The following ECE2 variants were observed in gnomAD, a reference collection of about 807,000 sequenced individuals.
ECE2 encodes the protein endothelin converting enzyme 2, also known as endothelin-converting enzyme 2.
ECE2 carries 81 observed loss-of-function variants against 100.6 expected under a neutral mutation model. The observed-to-expected ratio is 0.81, with a 90% CI of 0.67 to 0.97. The LOEUF is 0.97. Ranked by LOEUF, ECE2 falls within the 50% of genes least tolerant of loss-of-function variation. ECE2 has a pLI of 0.00. For missense variants in ECE2, 911 were observed against 988.1 expected, an observed-to-expected ratio of 0.92 and a Z score of 1.05; for synonymous variants, 391 against 391.5, an observed-to-expected ratio of 1.00 and a Z score of 0.02.
rs760997766 is a variant in ECE2 at position 184,291,121 on chromosome 3, G to C, written c.1916G>C (p.Cys639Ser). 5 of 1,611,862 alleles carry C rather than the reference G, an allele frequency of 3.1e-6. No individual in the cohort carries two copies. The highest frequency in any genetic ancestry group is 4.2e-6 in the Non-Finnish European group (5 of 1,178,776). ...GCAGCCTTCCGGAACCACACGGCCT[G>C]CATGGAGGAACAGTACAATCAATAC... is the stretch of plus-strand genomic sequence containing the variant. Reference protein sequence around the residue: ...SLAAFRNHTACMEEQYNQYQV... With the variant: ...SLAAFRNHTASMEEQYNQYQV... Residue 639 changes from cysteine to serine, a missense_variant, in exon 17 of 19, where the codon TGC becomes TCC. Coordinates refer to ENST00000404464, the MANE Select transcript of ECE2 (RefSeq NM_001100121.2). This position sits in a 1 kb window ranked among gnomAD's most constrained non-coding sequence, Gnocchi z 4.1.
At chr3:184,282,314 GA>G in intron 7 of ECE2, among the ~76,000 whole-genome samples, 1 of 152,338 alleles carries the variant, frequency 6.6e-6, no homozygotes, top group Middle Eastern at 3.4e-3. Flanking sequence ...TGAGAGACAG[GA>G]GGAATTTGAA....
At position 184,278,523 on chromosome 3, in the gene ECE2, G is replaced by A. The variant is rs781411872; in HGVS notation, c.782G>A (p.Arg261Gln). The A allele has an allele frequency of 2.1e-5, 34 of 1,613,858 alleles. No homozygotes were observed. Among genetic ancestry groups the A allele is most frequent in the South Asian group, 5.5e-5 (5 of 91,082 alleles). ...VDQSGLFLPS[R>Q]DYYLNRTANE... ...CAGTCTGGGCTCTTTCTGCCCTCTCGGGATTACTACTTAAACAGAACTGCC... is the reference window on the plus strand; with the variant it reads ...CAGTCTGGGCTCTTTCTGCCCTCTCAGGATTACTACTTAAACAGAACTGCC... Residue 261 changes from arginine to glutamine, a missense_variant, in exon 7 of 19, where the codon CGG becomes CAG. Arg to Gln is a conservative substitution (Grantham distance 43, BLOSUM62 1). Transcript: ENST00000404464.
In ECE2 at chr3:184,289,213, T is replaced by C. The variant is rs1721195982; in HGVS notation, c.1375-224T>C. Among the ~76,000 whole-genome samples, 1 of 152,110 alleles carries C rather than the reference T, an allele frequency of 6.6e-6. No homozygotes were observed. Among genetic ancestry groups the C allele is most frequent in the Non-Finnish European group, 1.5e-5 (1 of 68,022 alleles). ...TTATAATATAATTTGATGAACTTAT[T>C]GTCAATTAAAATGTGTACTTAATTA... On this transcript the variant is annotated intron_variant, in intron 11 of 18. Transcript: ENST00000404464. This position sits in a 1 kb window ranked among gnomAD's most constrained non-coding sequence, Gnocchi z 4.1.
rs763318100 is a variant in ECE2, at chr3:184,289,726, C to A, written c.1551+8C>A. 67 of 1,607,796 alleles carry A rather than the reference C, an allele frequency of 4.2e-5. No homozygotes were observed. The highest frequency in any genetic ancestry group is 5.5e-5 in the Non-Finnish European group (65 of 1,176,938). On this transcript the variant is annotated splice_region_variant and intron_variant, in intron 13 of 18. Coordinates refer to ENST00000404464, the MANE Select transcript of ECE2 (RefSeq NM_001100121.2). The surrounding 1 kb of genome is among the most constrained non-coding windows in gnomAD (Gnocchi z 4.1). ...GATGATGTTTATGACGGGGTGAGTA[C>A]CTACGCTCATCAGTACTGAACTTCA...
rs181289743 is a variant in ECE2, at chr3:184,283,327, G to A, written c.817-458G>A. Among the ~76,000 whole-genome samples, 33 of 152,006 alleles carry A rather than the reference G, an allele frequency of 2.2e-4. No individual in the cohort carries two copies. In the East Asian group the frequency reaches 3.9e-3, roughly 18 times the overall value. On this transcript the variant is annotated intron_variant, in intron 7 of 18. Transcript: ENST00000404464. ...TGTAATCCCAGCACTTTGAGAGGCC[G>A]AGGCGGGCAGATCACCTGAGGTCAG...
At position 184,283,750 on chromosome 3, in the gene ECE2, T is replaced by C. The variant is rs754203851; in HGVS notation, c.817-35T>C. On this transcript the variant is annotated intron_variant, in intron 7 of 18. Coordinates refer to ENST00000404464, the MANE Select transcript of ECE2 (RefSeq NM_001100121.2). ...AGATCTCAGCCTTGGGCAGGACTTG[T>C]TGCTGGGCTCTGAGGATCACCCGGG... 6.2e-6 allele frequency: 10 copies of C among 1,605,550 alleles called. No homozygotes were observed. In the East Asian group the frequency reaches 9.0e-5, roughly 14 times the overall value.
intron 7 of ECE2, among the ~76,000 whole-genome samples, chr3:184,282,181 G>A (rs1720840238): frequency 6.6e-6 from 1 of 152,192 alleles, no homozygotes; most frequent in South Asian, 2.1e-4. Context: ...AGGTGAGGAG[G>A]TAGGGAGAGA....
In ECE2 at chr3:184,287,931, G is replaced by A. The variant is rs35875049; in HGVS notation, c.1358G>A (p.Arg453Gln). The change falls in exon 11 of 19, where the codon CGG (arginine) becomes CAG (glutamine). Residue 453 changes from arginine (R) to glutamine (Q), a missense_variant. By Grantham distance (43) the Arg-to-Gln change is conservative (BLOSUM62 1). Coordinates refer to ENST00000404464, the MANE Select transcript of ECE2 (RefSeq NM_001100121.2). ...GSLFVKATFD[R>Q]QSKEIAEGMI... Reference sequence around the variant, plus strand: ...CTCTTCGTGAAGGCCACGTTTGACCGGCAAAGCAAAGAAATTGTGAGTCTA... The same window carrying A: ...CTCTTCGTGAAGGCCACGTTTGACCAGCAAAGCAAAGAAATTGTGAGTCTA... 5.5e-3 allele frequency: 8,899 copies of A among 1,613,964 alleles called. 397 individuals are homozygous for A. The African/African-American group carries it at 0.1, about 19-fold the overall frequency.
chr3:184,282,021 C>T (rs1720833120), intron 7 of ECE2, among the ~76,000 whole-genome samples: 2 of 152,208 alleles, frequency 1.3e-5, no homozygotes, highest in Non-Finnish European at 2.9e-5. Context: ...ATCGCTTGAA[C>T]CCGGGAGGCG....
intron 9 of ECE2, among the ~76,000 whole-genome samples, 173 bp downstream of exon 9, chr3:184,285,278 C>A (rs1224100035): frequency 6.6e-6 from 1 of 152,140 alleles, no homozygotes; most frequent in Non-Finnish European, 1.5e-5. Flanking sequence ...AGGGTGCTCC[C>A]TGTGATCTCT....
In ECE2 at chr3:184,292,157, C is replaced by A. The variant is rs751902275; in HGVS notation, c.2217C>A (p.Ser739=). The A allele has an allele frequency of 7.4e-6, 12 of 1,614,144 alleles. No homozygotes were observed. Among genetic ancestry groups the A allele is most frequent in the Middle Eastern group, 1.6e-4 (1 of 6,062 alleles). ...PARFRVLGTL[S]NSRDFLRHFG... ...GCTTCCGCGTGCTGGGCACTCTCTC[C>A]AACTCCCGTGACTTCCTGCGGCACT... The change falls in exon 19 of 19, where the codon TCC becomes TCA. Residue 739 remains serine, a synonymous_variant. Coordinates refer to ENST00000404464, the MANE Select transcript of ECE2 (RefSeq NM_001100121.2).
chr3:184,292,142 G>C lies in ECE2; in HGVS notation c.2202G>C (p.Val734=). Residue 734 remains valine (V), a synonymous_variant, in exon 19 of 19, where the codon GTG becomes GTC. Transcript: ENST00000404464. ...CCCACAGCCCTGCCCGCTTCCGCGTGCTGGGCACTCTCTCCAACTCCCGTG... is the reference window on the plus strand; with the variant it reads ...CCCACAGCCCTGCCCGCTTCCGCGTCCTGGGCACTCTCTCCAACTCCCGTG... The part of the protein sequence containing the change: ...TDPHSPARFR[V]LGTLSNSRDF... The C allele has an allele frequency of 6.2e-7, 1 of 1,614,082 alleles. No individual in the cohort carries two copies. The highest frequency in any genetic ancestry group is 1.1e-5 in the South Asian group (1 of 91,080).
chr3:184,284,931 G>A (rs1720967728), intron 8 of ECE2, 32 bp from the exon 9 acceptor site: 6 of 1,605,926 alleles, frequency 3.7e-6, no homozygotes, highest in Non-Finnish European at 5.1e-6. Context: ...AAGCGAGTCG[G>A]GCAGGCAAGG....
At position 184,289,449 on chromosome 3, in the gene ECE2, A is replaced by G. The variant is rs996098489; in HGVS notation, c.1387A>G (p.Ile463Val). 3.1e-6 allele frequency: 5 copies of G among 1,607,438 alleles called. No individual in the cohort carries two copies. Among genetic ancestry groups the G allele is most frequent in the Non-Finnish European group, 4.2e-6 (5 of 1,177,278 alleles). Residue 463 changes from isoleucine (I) to valine (V), a missense_variant, in exon 12 of 19, where the codon ATC (isoleucine) becomes GTC (valine). Ile to Val is a conservative substitution (Grantham distance 29). Coordinates refer to ENST00000404464, the MANE Select transcript of ECE2 (RefSeq NM_001100121.2). The surrounding 1 kb of genome is among the most constrained non-coding windows in gnomAD (Gnocchi z 4.1). ...TCCTCCCTCCCAGGCAGAGGGGATGATCAGCGAAATCCGGACCGCATTTGA... is the reference window on the plus strand; with the variant it reads ...TCCTCCCTCCCAGGCAGAGGGGATGGTCAGCGAAATCCGGACCGCATTTGA... ...RQSKEIAEGMISEIRTAFEEA... is the reference protein window; with the variant it reads ...RQSKEIAEGMVSEIRTAFEEA...
intron 10 of ECE2, among the ~76,000 whole-genome samples, chr3:184,286,665 G>A (rs771384023): frequency 1.1e-4 from 16 of 152,026 alleles, no homozygotes; most frequent in African/African-American, 2.4e-4. Context: ...TTAGCTGGGC[G>A]TGGTGGCAAG....
rs1300067541 is a variant in ECE2, at chr3:184,292,655, AG to A, written c.*421del. 5.1e-6 allele frequency: 1 copy of A among 196,720 alleles called. No homozygotes were observed. Among genetic ancestry groups the A allele is most frequent in the Non-Finnish European group, 1.1e-5 (1 of 94,546 alleles). The allele number at this position is 196,720 out of a possible 1,614,324, so 12.2% of individuals were successfully genotyped here. On this transcript the variant is annotated 3_prime_UTR_variant, in exon 19 of 19. Coordinates refer to ENST00000404464, the MANE Select transcript of ECE2 (RefSeq NM_001100121.2). ...CCCCAGGCTCACTCAGTGCGCACTTAGGGGTGGACTCAGCTCTGTCTGGCTC... is the reference window on the plus strand; with the variant it reads ...CCCCAGGCTCACTCAGTGCGCACTTAGGGTGGACTCAGCTCTGTCTGGCTC...
intron 7 of ECE2, among the ~76,000 whole-genome samples, chr3:184,280,085 A>G (rs931993723): frequency 2.6e-5 from 4 of 152,156 alleles, no homozygotes; most frequent in Non-Finnish European, 5.9e-5. Context: ...AGAGGAGGGA[A>G]AAGGTGAAGA....
At chr3:184,285,623 G>T in intron 10 of ECE2, 31 bp downstream of exon 10, 1 of 1,497,492 alleles carries the variant, frequency 6.7e-7, no homozygotes, top group Non-Finnish European at 9.3e-7. Flanking sequence ...TCCACGTTCT[G>T]ATCCAGTCTA....
chr3:184,286,031 G>C (rs1721022749), intron 10 of ECE2, among the ~76,000 whole-genome samples: 1 of 152,178 alleles, frequency 6.6e-6, no homozygotes, highest in African/African-American at 2.4e-5. Flanking sequence ...GGTGATAACT[G>C]CTCACACTGA....
Sources: gnomAD v4.1 joint callset for allele counts (sites outside exome capture counted in the v4.1 genomes callset) on GRCh38, gnomAD v4.1.1 for gene constraint, Gnocchi (gnomAD v3.1) non-coding constraint, MANE v1.5 for transcripts, NCBI Gene and HGNC (gene_info 2026-07-23, HGNC 2026-07-21) for gene names.